The following CDH18 variants were observed in gnomAD, a reference collection of about 807,000 sequenced individuals.
CDH18 encodes the protein cadherin-18.
CDH18 carries 31 observed loss-of-function variants against 67.9 expected under a neutral mutation model. That is an observed-to-expected ratio of 0.46 (90% CI 0.34 to 0.62). The LOEUF (loss-of-function observed/expected upper bound fraction) is 0.62, where lower values mean the gene tolerates loss of function less well. CDH18 is among the 20% of genes least tolerant of loss of function. The pLI is 0.01. For synonymous variants in CDH18, 362 were observed against 347.2 expected (o/e 1.04, Z -0.48); for missense variants, 890 against 975.5 (o/e 0.91, Z 1.17).
At chr5:19,475,804 T>G (rs1738361769) in intron 12 of CDH18, among the ~76,000 whole-genome samples, 1 of 152,052 alleles carries the variant, frequency 6.6e-6, no homozygotes, top group African/African-American at 2.4e-5. Flanking sequence ...TAAGTGAACT[T>G]GAATGAATGG....
intron 3 of CDH18, among the ~76,000 whole-genome samples, chr5:19,798,790 G>C (rs979573409): frequency 2.0e-5 from 3 of 151,828 alleles, no homozygotes; most frequent in Admixed American, 6.6e-5. Context: ...TATATTACTG[G>C]ATTTTTAGGT....
chr5:19,514,654 G>T (rs1363441259), intron 10 of CDH18, among the ~76,000 whole-genome samples: 1 of 152,180 alleles, frequency 6.6e-6, no homozygotes, highest in Non-Finnish European at 1.5e-5. Context: ...CTTTTGAAAA[G>T]TGTTTGTTCT....
chr5:20,181,941 T>G (rs2126685522), intron 2 of CDH18, among the ~76,000 whole-genome samples: 1 of 152,248 alleles, frequency 6.6e-6, no homozygotes, highest in East Asian at 1.9e-4. Context: ...TTCCTCGCTC[T>G]GTCTCAAACT....
At chr5:19,495,418 C>T (rs1490320443) in intron 11 of CDH18, among the ~76,000 whole-genome samples, 1 of 151,988 alleles carries the variant, frequency 6.6e-6, no homozygotes, top group East Asian at 1.9e-4. Flanking sequence ...AATTCTCCCA[C>T]TAAAAACAAA....
chr5:19,995,503 A>T (rs1735933498), intron 2 of CDH18, among the ~76,000 whole-genome samples: 1 of 151,928 alleles, frequency 6.6e-6, no homozygotes, highest in African/African-American at 2.4e-5. Flanking sequence ...ACTCATATTA[A>T]ATATAGAGTT....
At chr5:20,482,790 G>A (rs551666605) in intron 1 of CDH18, among the ~76,000 whole-genome samples, 17 of 152,012 alleles carry the variant, frequency 1.1e-4, no homozygotes, top group East Asian at 1.9e-4. Flanking sequence ...AATAAAAGCC[G>A]TATTCAACAG....
intron 2 of CDH18, among the ~76,000 whole-genome samples, chr5:19,875,604 T>A (rs1014583854): frequency 2.6e-5 from 4 of 151,970 alleles, no homozygotes; most frequent in Non-Finnish European, 5.9e-5. Flanking sequence ...GAAATAATTT[T>A]TATATATATA....
intron 1 of CDH18, among the ~76,000 whole-genome samples, chr5:20,508,234 C>T (rs1193061341): frequency 3.3e-5 from 5 of 150,112 alleles, no homozygotes; most frequent in African/African-American, 1.2e-4. Flanking sequence ...GTTCAAGGCT[C>T]AGAAATTCAA....
At chr5:19,664,877 T>C (rs1757697405) in intron 5 of CDH18, among the ~76,000 whole-genome samples, 1 of 151,980 alleles carries the variant, frequency 6.6e-6, no homozygotes, top group South Asian at 2.1e-4. Context: ...CATGTCAGTT[T>C]TATTTACATC....
intron 2 of CDH18, among the ~76,000 whole-genome samples, chr5:20,110,449 G>A (rs1281917801): frequency 2.0e-5 from 3 of 152,122 alleles, no homozygotes; most frequent in Admixed American, 1.3e-4. Context: ...TTGGGAGGCC[G>A]AGGTGGGTGG....
chr5:20,048,447 A>G (rs968186068), intron 2 of CDH18, among the ~76,000 whole-genome samples: 1 of 151,902 alleles, frequency 6.6e-6, no homozygotes, highest in Non-Finnish European at 1.5e-5. Context: ...TTCCTACTAC[A>G]TCTCTACCTT....
chr5:20,450,190 C>CA (rs957776405), intron 1 of CDH18, among the ~76,000 whole-genome samples: 8 of 151,630 alleles, frequency 5.3e-5, no homozygotes, highest in South Asian at 2.1e-4. Context: ...ATAATTAAAA[C>CA]AAAAAAATTA....
rs903339232 is a variant in CDH18 at position 20,311,806 on chromosome 5, T to C, written c.-579-56301A>G. Reference sequence around the variant, plus strand: ...CTTAAAGTATAATAATATAAAAAATTATTGTATGATACTCCATTATTTTCA... The same window carrying C: ...CTTAAAGTATAATAATATAAAAAATCATTGTATGATACTCCATTATTTTCA... On this transcript the variant is annotated intron_variant, in intron 1 of 14. Coordinates refer to the CDH18 transcript ENST00000507958. Among the ~76,000 whole-genome samples, 5 of 152,128 alleles carry C rather than the reference T, an allele frequency of 3.3e-5. No individual in the cohort carries two copies. In the East Asian group the frequency reaches 7.7e-4, roughly 23 times the overall value.
At chr5:19,705,932 T>C (rs2150503377) in intron 5 of CDH18, among the ~76,000 whole-genome samples, 1 of 152,286 alleles carries the variant, frequency 6.6e-6, no homozygotes, top group Admixed American at 6.5e-5. Context: ...ATAACTAAAT[T>C]TATACCAATT....
intron 2 of CDH18, among the ~76,000 whole-genome samples, chr5:20,111,546 CTTTTTTTTTTTT>C (rs760458451): frequency 3.9e-5 from 2 of 51,940 alleles, no homozygotes; most frequent in Non-Finnish European, 8.2e-5. Flanking sequence ...TTCCTTCTTT[CTTTTTTTTTTTT>C]TTTTTTTTTT....
At chr5:19,975,822 T>C (rs1197196590) in intron 2 of CDH18, among the ~76,000 whole-genome samples, 1 of 152,178 alleles carries the variant, frequency 6.6e-6, no homozygotes, top group East Asian at 1.9e-4. Context: ...TACTTCTTTC[T>C]GAAAGCACAA....
chr5:19,727,723 GA>G (rs34581707), intron 4 of CDH18, among the ~76,000 whole-genome samples: 85,817 of 151,798 alleles, frequency 0.57, 27,455 homozygotes, highest in East Asian at 0.74. Context: ...TAAAAGTCAA[GA>G]AAAAAAATAT....
At chr5:19,938,385 T>C (rs1316691371) in intron 2 of CDH18, among the ~76,000 whole-genome samples, 3 of 151,426 alleles carry the variant, frequency 2.0e-5, no homozygotes, top group East Asian at 3.9e-4. Context: ...TGACTTCCGA[T>C]ATCCTAGATT....
At chr5:20,212,718 T>C (rs1016251543) in intron 2 of CDH18, among the ~76,000 whole-genome samples, 1 of 151,794 alleles carries the variant, frequency 6.6e-6, no homozygotes, top group Non-Finnish European at 1.5e-5. Context: ...AAAAAACATA[T>C]CTTAAATTTT....
Sources: allele counts gnomAD v4.1 joint callset (sites outside exome capture counted in the v4.1 genomes callset), GRCh38; gene constraint gnomAD v4.1.1; transcripts MANE v1.5; gene names NCBI Gene and HGNC (gene_info 2026-07-23, HGNC 2026-07-21).